MELK: variants seen among roughly 807,000 people sequenced by gnomAD.
MELK encodes the protein maternal embryonic leucine zipper kinase.
Under a neutral mutation model 85.0 loss-of-function variants are expected in MELK, and 81 were observed. The observed-to-expected ratio is 0.95, with a 90% CI of 0.80 to 1.15. The LOEUF (loss-of-function observed/expected upper bound fraction) is 1.15, where lower values mean the gene tolerates loss of function less well. Ranked by LOEUF, MELK falls within the 50% of genes most tolerant of loss-of-function variation. MELK has a pLI of 0.00. For missense variants in MELK, 754 were observed against 777.5 expected (o/e 0.97, Z 0.36); for synonymous variants, 252 against 265.0 (o/e 0.95, Z 0.48).
At chr9:36,654,121 A>G (rs572663373) in intron 12 of MELK, among the ~76,000 whole-genome samples, 18 of 152,268 alleles carry the variant, frequency 1.2e-4, no homozygotes, top group Admixed American at 1.0e-3. Context: ...GAATCAGCCA[A>G]TCCCTCATCC....
intron 12 of MELK, among the ~76,000 whole-genome samples, chr9:36,654,702 A>G (rs984770661): frequency 5.9e-5 from 9 of 152,088 alleles, no homozygotes; most frequent in African/African-American, 2.2e-4. Context: ...TGATCTGCTT[A>G]TATGAGTTGT....
intron 8 of MELK, among the ~76,000 whole-genome samples, chr9:36,619,745 G>A (rs1827215427): frequency 6.6e-6 from 1 of 152,186 alleles, no homozygotes; most frequent in Admixed American, 6.5e-5. Context: ...CTGTGTTTGA[G>A]TTGTGCTGAA....
At chr9:36,651,912 C>T (rs1239595778) in intron 12 of MELK, 35 bp downstream of exon 12, 1 of 1,597,802 alleles carries the variant, frequency 6.3e-7, no homozygotes, top group Non-Finnish European at 8.5e-7. Flanking sequence ...TTGCCACGTG[C>T]CCTCCCTGTT....
chr9:36,648,114 C>A (rs1303975314), intron 11 of MELK, among the ~76,000 whole-genome samples: 1 of 152,112 alleles, frequency 6.6e-6, no homozygotes, highest in Non-Finnish European at 1.5e-5. Context: ...TAGAAACTTT[C>A]ATTAAACATA....
chr9:36,671,926 T>C (rs937224997), intron 16 of MELK, among the ~76,000 whole-genome samples: 1 of 152,154 alleles, frequency 6.6e-6, no homozygotes, highest in Non-Finnish European at 1.5e-5. Context: ...GGCTGGGATG[T>C]TGTTCTGAAA....
At chr9:36,605,950 C>G (rs1401322050) in intron 7 of MELK, among the ~76,000 whole-genome samples, 2 of 144,344 alleles carry the variant, frequency 1.4e-5, no homozygotes, top group Non-Finnish European at 3.0e-5. Flanking sequence ...GAGACCCTGT[C>G]TCTAAAAAAA....
At chr9:36,631,354 T>C (rs1435808288) in intron 9 of MELK, among the ~76,000 whole-genome samples, 1 of 151,668 alleles carries the variant, frequency 6.6e-6, no homozygotes, top group Non-Finnish European at 1.5e-5. Flanking sequence ...GCTTCCTGGG[T>C]TCCCAGGTTC....
chr9:36,615,158 C>G (rs1215815173), intron 8 of MELK, among the ~76,000 whole-genome samples: 1 of 144,592 alleles, frequency 6.9e-6, no homozygotes, highest in Non-Finnish European at 1.5e-5. Flanking sequence ...GGCAGAGGCG[C>G]CCCTCACCTC....
chr9:36,666,853 T>TTGTGTGTGTGTGTGTG (rs5897643), intron 14 of MELK, among the ~76,000 whole-genome samples: 2 of 130,746 alleles, frequency 1.5e-5, no homozygotes, highest in African/African-American at 2.9e-5. Context: ...ATGTCTGTGT[T>TTGTGTGTGTGTGTGTG]TGTGTGTGTG....
Position 36,594,610 on chromosome 9 carries a change from A to G in MELK, c.262-18A>G, listed in dbSNP as rs769241967. 1.2e-6 allele frequency: 2 copies of G among 1,604,122 alleles called. No homozygotes were observed. Among genetic ancestry groups the G allele is most frequent in the Non-Finnish European group, 1.7e-6 (2 of 1,176,488 alleles). ...TTTTTAAGTTGTAACAATATCTGTG[A>G]TTCCATTGCTGTTGAAGTACTGCCC... is the stretch of plus-strand genomic sequence containing the variant. On this transcript the variant is annotated intron_variant, in intron 4 of 17. Transcript: ENST00000298048.
At chr9:36,675,966 T>C (rs1469296463) in intron 17 of MELK, among the ~76,000 whole-genome samples, 1 of 152,208 alleles carries the variant, frequency 6.6e-6, no homozygotes, top group East Asian at 1.9e-4. Context: ...AACCCTGGCA[T>C]TCCTCTCAGG....
At position 36,667,915 on chromosome 9, in the gene MELK, G is replaced by A. The variant is rs149413992; in HGVS notation, c.1409-1395G>A. ...CCTGAGTAGCTGGGATTACAGGTGCGCACCACCATGCCCGGTTAATTTTTT... is the reference window on the plus strand; with the variant it reads ...CCTGAGTAGCTGGGATTACAGGTGCACACCACCATGCCCGGTTAATTTTTT... On this transcript the variant is annotated intron_variant, in intron 14 of 17. Coordinates refer to ENST00000298048, the MANE Select transcript of MELK (RefSeq NM_014791.4). Among the ~76,000 whole-genome samples the A allele has an allele frequency of 7.4e-3, 1,131 of 152,016 alleles. 11 individuals are homozygous for A. The highest frequency in any genetic ancestry group is 0.023 in the African/African-American group (971 of 41,454).
At chr9:36,621,564 G>C (rs1235421401) in intron 8 of MELK, among the ~76,000 whole-genome samples, 1 of 152,124 alleles carries the variant, frequency 6.6e-6, no homozygotes, top group African/African-American at 2.4e-5. Flanking sequence ...TCCTGGATTT[G>C]AACCTAGCCA....
At chr9:36,590,648 C>G (rs1823444240) in intron 4 of MELK, among the ~76,000 whole-genome samples, 2 of 152,304 alleles carry the variant, frequency 1.3e-5, no homozygotes, top group South Asian at 4.1e-4. Context: ...CAAGTTTTAA[C>G]TTGCCATTTT....
In MELK at chr9:36,671,038, G is replaced by A. The variant is rs2138105154; in HGVS notation, c.1546G>A (p.Glu516Lys). The A allele has an allele frequency of 6.2e-7, 1 of 1,613,506 alleles. No homozygotes were observed. The highest frequency in any genetic ancestry group is 1.3e-5 in the African/African-American group (1 of 75,008). ...VELDLNQAHM[E>K]ETPKRKGAKV... ...ATTGGATCTCAACCAAGCACATATGGAGGAGACTCCAAAAAGAAAGGGAGC... is the reference window on the plus strand; with the variant it reads ...ATTGGATCTCAACCAAGCACATATGAAGGAGACTCCAAAAAGAAAGGGAGC... Residue 516 changes from glutamate to lysine, a missense_variant, in exon 16 of 18, where the codon GAG becomes AAG. Physicochemically the swap from Glu to Lys is moderately conservative, Grantham distance 56. Coordinates refer to ENST00000298048, the MANE Select transcript of MELK (RefSeq NM_014791.4).
intron 8 of MELK, among the ~76,000 whole-genome samples, chr9:36,620,351 G>T (rs1488718576): frequency 6.6e-6 from 1 of 152,068 alleles, no homozygotes; most frequent in Non-Finnish European, 1.5e-5. Flanking sequence ...AGGTATTACT[G>T]TGCATAGGCT....
rs557426123 is a variant in MELK at position 36,609,909 on chromosome 9, C to T, written c.666+2236C>T. Among the ~76,000 whole-genome samples the T allele has an allele frequency of 5.9e-5, 9 of 152,184 alleles. No homozygotes were observed. In the South Asian group the frequency reaches 6.2e-4, roughly 11 times the overall value. On this transcript the variant is annotated intron_variant, in intron 8 of 17. Transcript: ENST00000298048. The stretch of plus-strand genomic sequence containing the variant: ...GAGACAGGTATAAGCTATCTAAAAA[C>T]GGCAAAGGGTGAGGAATGCCATATT...
At position 36,665,482 on chromosome 9, in the gene MELK, G is replaced by A; in HGVS notation, c.1309G>A (p.Glu437Lys). Residue 437 changes from glutamate (E) to lysine (K), a missense_variant, in exon 14 of 18, where the codon GAG (glutamate) becomes AAG (lysine). Physicochemically the swap from Glu to Lys is moderately conservative, Grantham distance 56 (BLOSUM62 1). Coordinates refer to ENST00000298048, the MANE Select transcript of MELK (RefSeq NM_014791.4). ...TCCTAAGTCTGCTGTAAAGAATGAA[G>A]AGTACTTTATGTTTCCTGAGCCAAA... is the stretch of plus-strand genomic sequence containing the variant. ...YTPKSAVKNE[E>K]YFMFPEPKTP... 1 of 1,613,716 alleles carries A rather than the reference G, an allele frequency of 6.2e-7. No homozygotes were observed.
intron 8 of MELK, among the ~76,000 whole-genome samples, chr9:36,612,777 A>G (rs1394950354): frequency 1.3e-5 from 2 of 152,158 alleles, no homozygotes; most frequent in African/African-American, 2.4e-5. Context: ...CATGATTTGT[A>G]TTAGCCCCAT....
Sources: allele counts gnomAD v4.1 joint callset (sites outside exome capture counted in the v4.1 genomes callset), GRCh38; gene constraint gnomAD v4.1.1; transcripts MANE v1.5; gene names NCBI Gene and HGNC (gene_info 2026-07-23, HGNC 2026-07-21).